The following FHIT variants were observed in gnomAD, a reference collection of about 807,000 sequenced individuals.
The protein encoded by FHIT is bis(5'-adenosyl)-triphosphatase.
In FHIT, 19 loss-of-function variants were observed where a neutral mutation model predicts 17.9. The observed-to-expected ratio is 1.06, with a 90% confidence interval of 0.74 to 1.56. The LOEUF (loss-of-function observed/expected upper bound fraction) is 1.56, where lower values mean the gene tolerates loss of function less well. FHIT is among the 40% of genes most tolerant of loss of function. The pLI, the probability that FHIT is intolerant of heterozygous loss-of-function variation, is 0.00. For missense variants in FHIT, 248 were observed against 189.2 expected (o/e 1.31, Z -1.82); for synonymous variants, 81 against 69.7 (o/e 1.16, Z -0.81).
At chr3:61,136,227 AC>A (rs1274987317) in intron 2 of FHIT, among the ~76,000 whole-genome samples, 1 of 120,298 alleles carries the variant, frequency 8.3e-6, no homozygotes, top group African/African-American at 3.2e-5. Flanking sequence ...CCACGCCCCC[AC>A]CCCCCTCACC....
At chr3:60,376,251 G>A (rs1233091808) in intron 5 of FHIT, among the ~76,000 whole-genome samples, 1 of 152,112 alleles carries the variant, frequency 6.6e-6, no homozygotes, top group African/African-American at 2.4e-5. Context: ...TTGACACATA[G>A]TGTCTATTCA....
At chr3:60,946,136 G>T (rs936794818) in intron 3 of FHIT, among the ~76,000 whole-genome samples, 1 of 152,130 alleles carries the variant, frequency 6.6e-6, no homozygotes. Flanking sequence ...GGAGGATGAC[G>T]GATTGTACAT....
At chr3:60,701,695 G>A (rs1054196059) in intron 4 of FHIT, among the ~76,000 whole-genome samples, 6 of 152,150 alleles carry the variant, frequency 3.9e-5, no homozygotes, top group South Asian at 2.1e-4. Flanking sequence ...CCTGTGGAGC[G>A]ATTTGGGAGG....
chr3:60,017,339 G>GT (rs1559552282), intron 5 of FHIT, among the ~76,000 whole-genome samples: 2 of 151,998 alleles, frequency 1.3e-5, no homozygotes, highest in South Asian at 2.1e-4. Flanking sequence ...ACAGAGAATC[G>GT]TAAGATCAAA....
At chr3:60,566,226 A>G (rs1358062028) in intron 4 of FHIT, among the ~76,000 whole-genome samples, 4 of 152,174 alleles carry the variant, frequency 2.6e-5, no homozygotes, top group Non-Finnish European at 5.9e-5. Flanking sequence ...AGAAGAATGT[A>G]TATTCTGTTG....
chr3:60,651,977 A>T (rs73835795), intron 4 of FHIT, among the ~76,000 whole-genome samples: 3,808 of 152,336 alleles, frequency 0.025, 145 homozygotes, highest in African/African-American at 0.085. Context: ...GAATGGGAAG[A>T]AGCCATTAGA....
chr3:60,915,318 C>T (rs1429508162), intron 3 of FHIT, among the ~76,000 whole-genome samples: 8 of 152,152 alleles, frequency 5.3e-5, no homozygotes, highest in Admixed American at 4.6e-4. Context: ...GGGAATGACA[C>T]AGCTTTTGGC....
rs6446128 is a variant in FHIT at position 60,504,197 on chromosome 3, C to T, written c.103+32663G>A. 4.4e-3 allele frequency among the ~76,000 whole-genome samples: 667 copies of T among 151,910 alleles called. 2 individuals carry two copies. Among genetic ancestry groups the T allele is most frequent in the Non-Finnish European group, 7.6e-3 (513 of 67,902 alleles). ...ACGCCTGTAATCCCAGCACTTTGGG[C>T]GGCCGAGGCGGGCAGATCATGAGGT... On this transcript the variant is annotated intron_variant, in intron 5 of 9. Transcript: ENST00000492590.
chr3:60,250,499 T>C (rs1272802020), intron 5 of FHIT, among the ~76,000 whole-genome samples: 1 of 152,132 alleles, frequency 6.6e-6, no homozygotes, highest in Non-Finnish European at 1.5e-5. Flanking sequence ...GTTAGCAAAG[T>C]TCAGCAGCAG....
chr3:60,147,324 G>C (rs1480856424), intron 5 of FHIT, among the ~76,000 whole-genome samples: 3 of 152,132 alleles, frequency 2.0e-5, no homozygotes, highest in African/African-American at 4.8e-5. Context: ...TTTAGAATAA[G>C]AACTCTTAAT....
At chr3:60,449,770 C>T (rs1433249924) in intron 5 of FHIT, among the ~76,000 whole-genome samples, 2 of 151,734 alleles carry the variant, frequency 1.3e-5, no homozygotes, top group Non-Finnish European at 2.9e-5. Flanking sequence ...TTTGGGAGGC[C>T]GAGGTGGGTG....
At chr3:60,849,052 TATCC>T (rs1185607866) in intron 3 of FHIT, among the ~76,000 whole-genome samples, 1 of 152,164 alleles carries the variant, frequency 6.6e-6, no homozygotes, top group Non-Finnish European at 1.5e-5. Context: ...TTACTATAGT[TATCC>T]ATGCAGACTG....
intron 5 of FHIT, among the ~76,000 whole-genome samples, chr3:60,380,431 C>A (rs1055177704): frequency 6.6e-6 from 1 of 152,180 alleles, no homozygotes; most frequent in Non-Finnish European, 1.5e-5. Flanking sequence ...CCAAACAAAC[C>A]TCTTTTCATT....
At chr3:60,400,938 A>G (rs1385706078) in intron 5 of FHIT, among the ~76,000 whole-genome samples, 7 of 152,106 alleles carry the variant, frequency 4.6e-5, no homozygotes, top group Non-Finnish European at 5.9e-5. Context: ...AAAAAATTAG[A>G]CAACCTGAAA....
intron 8 of FHIT, among the ~76,000 whole-genome samples, chr3:59,756,458 C>T (rs1404612287): frequency 2.0e-5 from 3 of 151,550 alleles, no homozygotes; most frequent in Non-Finnish European, 4.4e-5. Context: ...AGTCAATACC[C>T]CAGGAGTATG....
At chr3:59,916,417 CT>C in intron 8 of FHIT, among the ~76,000 whole-genome samples, 1 of 152,106 alleles carries the variant, frequency 6.6e-6, no homozygotes, top group East Asian at 1.9e-4. Flanking sequence ...TGCAGATGGC[CT>C]ATTGTGGGGC....
intron 3 of FHIT, among the ~76,000 whole-genome samples, chr3:60,955,631 T>TAC (rs1240776824): frequency 0.033 from 1,534 of 46,214 alleles, 21 homozygotes; most frequent in Middle Eastern, 0.088. Context: ...TATATATATA[T>TAC]ATACACACAC....
At chr3:60,001,872 C>T (rs2107501538) in intron 7 of FHIT, among the ~76,000 whole-genome samples, 1 of 152,200 alleles carries the variant, frequency 6.6e-6, no homozygotes, top group South Asian at 2.1e-4. Context: ...ATACCATTTA[C>T]AACCAACAGA....
chr3:61,061,821 AT>A (rs1248173317), intron 2 of FHIT, among the ~76,000 whole-genome samples: 1 of 152,186 alleles, frequency 6.6e-6, no homozygotes, highest in Non-Finnish European at 1.5e-5. Flanking sequence ...CAAAGATTAC[AT>A]TTTGCCTCCT....
Sources: gnomAD v4.1 joint callset for allele counts (sites outside exome capture counted in the v4.1 genomes callset) on GRCh38, gnomAD v4.1.1 for gene constraint, MANE v1.5 for transcripts, NCBI Gene and HGNC (gene_info 2026-07-23, HGNC 2026-07-21) for gene names.